Variants in XRCC5 observed in about 807,000 individuals in gnomAD.
The protein encoded by XRCC5 is X-ray repair cross complementing 5, also known as DNA repair protein Ku80.
XRCC5 carries 12 observed loss-of-function variants against 95.7 expected under a neutral mutation model. That is an observed-to-expected ratio of 0.13 (90% CI 0.08 to 0.20). The LOEUF is 0.20. Ranked by LOEUF, XRCC5 falls within the 10% of genes least tolerant of loss-of-function variation. The pLI is 1.00. For synonymous variants in XRCC5, 281 were observed against 290.3 expected, an observed-to-expected ratio of 0.97 and a Z score of 0.33; for missense variants, 595 against 873.9, an observed-to-expected ratio of 0.68 and a Z score of 4.02.
chr2:216,173,987 G>A lies in XRCC5; in HGVS notation c.1834+11939G>A, dbSNP rs75918644. On this transcript the variant is annotated intron_variant, in intron 16 of 20. Transcript: ENST00000392132. ...CTAATATTTTGTTGGGAAATTGTTT[G>A]TAGTTTTCTTGTTTTGTGTGATGTC... 3.5e-4 allele frequency among the ~76,000 whole-genome samples: 54 copies of A among 152,306 alleles called. No homozygotes were observed. In the East Asian group the frequency reaches 6.4e-3, roughly 18 times the overall value.
chr2:216,179,900 T>A (rs1468296955), intron 16 of XRCC5, among the ~76,000 whole-genome samples: 1 of 152,170 alleles, frequency 6.6e-6, no homozygotes, highest in Admixed American at 6.5e-5. Flanking sequence ...TTAGAAGGCT[T>A]CGGCGTTAAT....
intron 14 of XRCC5, among the ~76,000 whole-genome samples, chr2:216,155,236 C>CAAA (rs10674711): frequency 0.035 from 2,768 of 80,170 alleles, 277 homozygotes; most frequent in African/African-American, 0.11. Flanking sequence ...ACTCCCATCT[C>CAAA]AAAAAAAAAA....
intron 14 of XRCC5, among the ~76,000 whole-genome samples, chr2:216,153,281 TCTTAA>T (rs1374020972): frequency 6.6e-6 from 1 of 152,230 alleles, no homozygotes; most frequent in Non-Finnish European, 1.5e-5. Flanking sequence ...CATGTATCTG[TCTTAA>T]CTTCAGCTTC....
intron 7 of XRCC5, among the ~76,000 whole-genome samples, chr2:216,126,466 A>T (rs1696901512): frequency 6.6e-6 from 1 of 152,214 alleles, no homozygotes; most frequent in Non-Finnish European, 1.5e-5. Flanking sequence ...TGTGAAATGT[A>T]AAAAAATGTT....
rs12470541 is a variant in XRCC5, at chr2:216,114,934, A to G, written c.136-1725A>G. On this transcript the variant is annotated intron_variant, in intron 2 of 20. Transcript: ENST00000392132. The stretch of plus-strand genomic sequence containing the variant: ...TAGCAGGGCTAGTGCGCATGCGTTG[A>G]TTAATTCGGGCTGCTCAAGGGAGGA... Among the ~76,000 whole-genome samples the G allele has an allele frequency of 3.9e-3, 598 of 152,204 alleles. 1 individual carries two copies. The highest frequency in any genetic ancestry group is 0.014 in the African/African-American group (579 of 41,526).
At chr2:216,144,932 T>C (rs1424315702) in intron 13 of XRCC5, among the ~76,000 whole-genome samples, 2 of 152,154 alleles carry the variant, frequency 1.3e-5, no homozygotes, top group Non-Finnish European at 2.9e-5. Flanking sequence ...CCTACCTCCA[T>C]ACCCCAATAA....
At chr2:216,168,436 C>T (rs1344081460) in intron 16 of XRCC5, among the ~76,000 whole-genome samples, 1 of 152,086 alleles carries the variant, frequency 6.6e-6, no homozygotes, top group African/African-American at 2.4e-5. Context: ...AAATAAAAAG[C>T]ACATGACGTA....
At chr2:216,158,566 T>C (rs1688890585) in intron 14 of XRCC5, among the ~76,000 whole-genome samples, 1 of 152,190 alleles carries the variant, frequency 6.6e-6, no homozygotes, top group Non-Finnish European at 1.5e-5. Context: ...ATTTCTCCTT[T>C]TTTTCTTTCA....
At chr2:216,153,995 C>G (rs1688798170) in intron 14 of XRCC5, among the ~76,000 whole-genome samples, 1 of 152,184 alleles carries the variant, frequency 6.6e-6, no homozygotes, top group African/African-American at 2.4e-5. Flanking sequence ...TGAATGACAC[C>G]TAATTTCTTG....
chr2:216,152,395 C>G (rs908158708), intron 14 of XRCC5, among the ~76,000 whole-genome samples: 1 of 151,728 alleles, frequency 6.6e-6, no homozygotes, highest in African/African-American at 2.4e-5. Context: ...GGGCTGAGAT[C>G]ACACCATTAC....
At chr2:216,203,389 A>T (rs1421814428) in intron 19 of XRCC5, among the ~76,000 whole-genome samples, 1 of 152,196 alleles carries the variant, frequency 6.6e-6, no homozygotes. Flanking sequence ...TCGTGTTAGG[A>T]TAGATAGGCA....
intron 16 of XRCC5, among the ~76,000 whole-genome samples, chr2:216,174,349 C>T (rs1689230103): frequency 6.6e-6 from 1 of 152,096 alleles, no homozygotes; most frequent in African/African-American, 2.4e-5. Context: ...CAGTAGATTC[C>T]CCTTGAGCTG....
chr2:216,172,539 G>T (rs915381205), intron 16 of XRCC5, among the ~76,000 whole-genome samples: 25 of 146,212 alleles, frequency 1.7e-4, no homozygotes, highest in Admixed American at 1.2e-3. Context: ...TGCGATCCTA[G>T]CTCACTGTAG....
chr2:216,140,447 C>T lies in XRCC5; in HGVS notation c.1343-739C>T, dbSNP rs542381452. 6.6e-5 allele frequency among the ~76,000 whole-genome samples: 10 copies of T among 152,278 alleles called. No homozygotes were observed. The South Asian group carries it at 8.3e-4, about 13-fold the overall frequency. ...AAGTATTTTTGGGAGAATTGCCTTT[C>T]GTCCATATTGCTTTGGGCTGTACCA... is the stretch of plus-strand genomic sequence containing the variant. On this transcript the variant is annotated intron_variant, in intron 12 of 20. Transcript: ENST00000392132.
intron 18 of XRCC5, among the ~76,000 whole-genome samples, chr2:216,193,368 T>C (rs767099298): frequency 2.0e-5 from 3 of 152,210 alleles, no homozygotes; most frequent in Non-Finnish European, 4.4e-5. Flanking sequence ...GTATAAGATA[T>C]TACTTGTTTA....
At chr2:216,193,032 C>T (rs1292244696) in intron 18 of XRCC5, among the ~76,000 whole-genome samples, 1 of 152,144 alleles carries the variant, frequency 6.6e-6, no homozygotes, top group Non-Finnish European at 1.5e-5. Context: ...TTGAATGGAG[C>T]AGCTGTGTGG....
intron 10 of XRCC5, 53 bp from the exon 11 acceptor site, chr2:216,137,035 G>T: frequency 1.9e-6 from 3 of 1,578,456 alleles, no homozygotes; most frequent in African/African-American, 1.4e-5. Context: ...GAGTTCTGTT[G>T]TGAAAACTCT....
chr2:216,141,036 G>A, intron 12 of XRCC5, 150 bp from the exon 13 acceptor site: 1 of 813,076 alleles, frequency 1.2e-6, no homozygotes, highest in Non-Finnish European at 1.8e-6. Flanking sequence ...CCAAGACTTG[G>A]GTTAAATACG....
At chr2:216,127,776 T>A in intron 8 of XRCC5, 102 bp downstream of exon 8, 1 of 1,290,996 alleles carries the variant, frequency 7.7e-7, no homozygotes, top group Non-Finnish European at 1.0e-6. Flanking sequence ...AGTTATTTCT[T>A]TGAGTTATAG....
Sources: allele counts gnomAD v4.1 joint callset (sites outside exome capture counted in the v4.1 genomes callset), GRCh38; gene constraint gnomAD v4.1.1; transcripts MANE v1.5; gene names NCBI Gene and HGNC (gene_info 2026-07-23, HGNC 2026-07-21).